Variants in CCDC138 observed in about 807,000 individuals in gnomAD.
CCDC138 encodes coiled-coil domain containing 138.
A neutral mutation model predicts 82.3 loss-of-function variants in CCDC138; 66 were observed. The ratio of observed to expected loss-of-function variants is 0.80; its 90% CI spans 0.66 to 0.98. CCDC138 has a LOEUF of 0.98. Among genes scored for constraint, CCDC138 ranks in the 50% least tolerant of loss-of-function variants. The probability of loss-of-function intolerance (pLI) is 0.00; values close to 1 mark genes in which losing one functional copy is unlikely to be tolerated. For missense variants in CCDC138, 816 were observed against 758.9 expected (o/e 1.08, Z -0.88); for synonymous variants, 297 against 265.4 (o/e 1.12, Z -1.16).
Position 108,813,193 on chromosome 2 carries a change from G to A in CCDC138, c.1041+266G>A, listed in dbSNP as rs567048296. On this transcript the variant is annotated intron_variant, in intron 9 of 14. Coordinates refer to ENST00000295124, the MANE Select transcript of CCDC138 (RefSeq NM_144978.3). Reference sequence around the variant, plus strand: ...GAACCTGGGAGGCGGAGGTTGCAGTGAGCCGAGATTGCACCACTGCACTCC... The same window carrying A: ...GAACCTGGGAGGCGGAGGTTGCAGTAAGCCGAGATTGCACCACTGCACTCC... 7.8e-5 allele frequency among the ~76,000 whole-genome samples: 10 copies of A among 128,218 alleles called. No homozygotes were observed. In the South Asian group the frequency reaches 2.4e-3, roughly 31 times the overall value. The allele number at this position is 128,218 out of a possible 152,430, so 84.1% of individuals were successfully genotyped here.
At position 108,833,877 on chromosome 2, in the gene CCDC138, G is replaced by A. The variant is rs866829541; in HGVS notation, c.1207-5308G>A. On this transcript the variant is annotated intron_variant, in intron 10 of 14. Coordinates refer to ENST00000295124, the MANE Select transcript of CCDC138 (RefSeq NM_144978.3). The stretch of plus-strand genomic sequence containing the variant: ...CGAGTAGCTGGGACTACAGGCGCCC[G>A]CTACCACGCCCGGCTAATTTTTTTT... 3.0e-3 allele frequency among the ~76,000 whole-genome samples: 431 copies of A among 143,112 alleles called. 3 individuals are homozygous for A. Among genetic ancestry groups the A allele is most frequent in the African/African-American group, 0.01 (389 of 38,326 alleles). The allele number at this position is 143,112 out of a possible 152,430, so 93.9% of individuals were successfully genotyped here. A position where few individuals can be genotyped will look rare whatever the true frequency, so the allele number is the denominator to read the frequency against.
intron 6 of CCDC138, among the ~76,000 whole-genome samples, chr2:108,800,972 G>T (rs1681858933): frequency 1.2e-5 from 1 of 85,688 alleles, no homozygotes. Flanking sequence ...ATTTTTTATG[G>T]CTGCATAGTA....
intron 7 of CCDC138, among the ~76,000 whole-genome samples, chr2:108,810,814 C>T (rs574676717): frequency 5.9e-5 from 9 of 152,238 alleles, no homozygotes; most frequent in African/African-American, 1.7e-4. Context: ...CCATTTAGTT[C>T]GGGCTTTTCT....
Position 108,875,989 on chromosome 2 carries a change from G to A in CCDC138, c.1833-99G>A, listed in dbSNP as rs10175513. ...TTCTCCACTGTTTTTAAAAACAGATGCCATTTCCTCATGTTTACACATAAA... is the reference window on the plus strand; with the variant it reads ...TTCTCCACTGTTTTTAAAAACAGATACCATTTCCTCATGTTTACACATAAA... On this transcript the variant is annotated intron_variant, in intron 14 of 14. Transcript: ENST00000295124. The A allele has an allele frequency of 5.9e-3, 3,991 of 671,648 alleles. 137 individuals are homozygous for A. In the African/African-American group the frequency reaches 0.067, roughly 11 times the overall value. 41.6% of individuals were successfully genotyped at this position (671,648 alleles called of 1,614,324 possible). A position where few individuals can be genotyped will look rare whatever the true frequency, so the allele number is the denominator to read the frequency against.
chr2:108,878,717 C>CTATCT (rs951873604), downstream of CCDC138, among the ~76,000 whole-genome samples: 3 of 152,096 alleles, frequency 2.0e-5, no homozygotes, highest in African/African-American at 4.8e-5. Context: ...CTGGGTAAGT[C>CTATCT]TATCTTAGCC....
In CCDC138 at chr2:108,815,991, G is replaced by C. The variant is rs1337908815; in HGVS notation, c.1092G>C (p.Trp364Cys). ...VYELLTVFMD[W>C]ISDHHLSKVK... ...AACTTTTAACTGTCTTCATGGACTGGATTTCGGATCATCATCTTAGCAAAG... is the reference window on the plus strand; with the variant it reads ...AACTTTTAACTGTCTTCATGGACTGCATTTCGGATCATCATCTTAGCAAAG... The change falls in exon 10 of 15, where the codon TGG (tryptophan) becomes TGC (cysteine). Residue 364 changes from tryptophan to cysteine, a missense_variant. Physicochemically the swap from Trp to Cys is radical, Grantham distance 215. Transcript: ENST00000295124. 2 of 1,613,494 alleles carry C rather than the reference G, an allele frequency of 1.2e-6. No individual in the cohort carries two copies. The highest frequency in any genetic ancestry group is 1.7e-6 in the Non-Finnish European group (2 of 1,179,580).
chr2:108,803,224 C>T (rs1682260330), intron 6 of CCDC138, among the ~76,000 whole-genome samples: 1 of 152,186 alleles, frequency 6.6e-6, no homozygotes, highest in African/African-American at 2.4e-5. Flanking sequence ...TTTGGTCTGT[C>T]CTGTGCCCGC....
chr2:108,862,166 C>T (rs1574280116), intron 13 of CCDC138, among the ~76,000 whole-genome samples: 1 of 147,236 alleles, frequency 6.8e-6, no homozygotes, highest in Admixed American at 6.8e-5. Context: ...AATATATATT[C>T]TGTGGTTGTG....
chr2:108,812,620 C>A lies in CCDC138; in HGVS notation c.856-11C>A. Reference sequence around the variant, plus strand: ...TGTATATTGAAATATCTAACTTTTTCTACCCTTTAGTTAAATGAAGCAAGT... The same window carrying A: ...TGTATATTGAAATATCTAACTTTTTATACCCTTTAGTTAAATGAAGCAAGT... On this transcript the variant is annotated splice_polypyrimidine_tract_variant and intron_variant, in intron 7 of 14. Transcript: ENST00000295124. 1 of 1,603,962 alleles carries A rather than the reference C, an allele frequency of 6.2e-7. No homozygotes were observed. The highest frequency in any genetic ancestry group is 8.5e-7 in the Non-Finnish European group (1 of 1,171,424).
intron 10 of CCDC138, among the ~76,000 whole-genome samples, chr2:108,826,950 T>C (rs890829625): frequency 6.6e-6 from 1 of 152,254 alleles, no homozygotes; most frequent in African/African-American, 2.4e-5. Flanking sequence ...GTATAAGTTT[T>C]GTACTTATTT....
chr2:108,844,971 A>C (rs7423984), intron 11 of CCDC138, among the ~76,000 whole-genome samples: 132,494 of 152,088 alleles, frequency 0.87, 58,088 homozygotes, highest in East Asian at 1. Flanking sequence ...TGGTCTTGAT[A>C]TCCTGACCTT....
At chr2:108,850,309 A>T (rs998459457) in intron 12 of CCDC138, among the ~76,000 whole-genome samples, 1 of 152,230 alleles carries the variant, frequency 6.6e-6, no homozygotes, top group Middle Eastern at 3.2e-3. Context: ...GTTGGGTAAT[A>T]GGCAGATGCA....
At chr2:108,847,390 CTGTA>C (rs1690673270) in intron 12 of CCDC138, among the ~76,000 whole-genome samples, 1 of 152,206 alleles carries the variant, frequency 6.6e-6, no homozygotes, top group African/African-American at 2.4e-5. Context: ...GCAGCAGAGA[CTGTA>C]TGGCCCCCCA....
intron 11 of CCDC138, among the ~76,000 whole-genome samples, chr2:108,840,787 TC>T (rs1266335447): frequency 1.4e-5 from 2 of 138,066 alleles, no homozygotes; most frequent in Non-Finnish European, 3.0e-5. Context: ...TTGTTTCATT[TC>T]TTTTTTTCTT....
chr2:108,811,247 C>CTTTTTTTTTTT (rs55661786), intron 7 of CCDC138, among the ~76,000 whole-genome samples: 13 of 113,906 alleles, frequency 1.1e-4, no homozygotes, highest in African/African-American at 4.9e-4. Flanking sequence ...TTCTCTCTCT[C>CTTTTTTTTTTT]TTTTTTTTTT....
In CCDC138 at chr2:108,846,793, T is replaced by C. The variant is rs1558723602; in HGVS notation, c.1379T>C (p.Val460Ala). The stretch of plus-strand genomic sequence containing the variant: ...TTGGGTGAAGACATTTTTAAAGGAG[T>C]GGTAACTAAAGGAATTCAGGATAAT... Reference protein sequence around the residue: ...RRLGEDIFKGVVTKGIQDNSP... With the variant: ...RRLGEDIFKGAVTKGIQDNSP... The change falls in exon 12 of 15, where the codon GTG becomes GCG. Residue 460 changes from valine (V) to alanine (A), a missense_variant. Coordinates refer to ENST00000295124, the MANE Select transcript of CCDC138 (RefSeq NM_144978.3). 1 of 1,611,878 alleles carries C rather than the reference T, an allele frequency of 6.2e-7. No individual in the cohort carries two copies. The highest frequency in any genetic ancestry group is 1.3e-5 in the African/African-American group (1 of 74,792).
intron 12 of CCDC138, among the ~76,000 whole-genome samples, chr2:108,855,746 TTC>T (rs1692489202): frequency 6.6e-6 from 1 of 152,186 alleles, no homozygotes; most frequent in Non-Finnish European, 1.5e-5. Flanking sequence ...TATTCTAAAC[TTC>T]TCATTCTTAA....
chr2:108,793,269 C>T (rs959411730), intron 4 of CCDC138, among the ~76,000 whole-genome samples: 4 of 150,334 alleles, frequency 2.7e-5, no homozygotes, highest in African/African-American at 9.8e-5. Flanking sequence ...GGAGGCGGAG[C>T]TTACAGTGAG....
chr2:108,842,396 A>G (rs926644693), intron 11 of CCDC138, among the ~76,000 whole-genome samples: 2 of 152,108 alleles, frequency 1.3e-5, no homozygotes, highest in South Asian at 4.1e-4. Context: ...CCTGGAGTCC[A>G]CATACTTGGA....
Sources: gnomAD v4.1 joint callset for allele counts (sites outside exome capture counted in the v4.1 genomes callset) on GRCh38, gnomAD v4.1.1 for gene constraint, MANE v1.5 for transcripts, NCBI Gene and HGNC (gene_info 2026-07-23, HGNC 2026-07-21) for gene names.